The following IMPG1 variants were observed in gnomAD, a reference collection of about 807,000 sequenced individuals.
IMPG1 encodes interphotoreceptor matrix proteoglycan of 150 kDa.
Under a neutral mutation model 92.0 loss-of-function variants are expected in IMPG1, and 85 were observed. That is an observed-to-expected ratio of 0.92 (90% CI 0.78 to 1.11). The LOEUF (loss-of-function observed/expected upper bound fraction) is 1.11, where lower values mean the gene tolerates loss of function less well. Ranked by LOEUF, IMPG1 falls within the 50% of genes least tolerant of loss-of-function variation. IMPG1 has a pLI of 0.00. For synonymous variants in IMPG1, 367 were observed against 334.1 expected, an observed-to-expected ratio of 1.10 and a Z score of -1.08; for missense variants, 1,022 against 956.0, an observed-to-expected ratio of 1.07 and a Z score of -0.91.
Position 75,981,482 on chromosome 6 carries a change from A to G in IMPG1, c.1291+21436T>C, listed in dbSNP as rs1463360490. 2.6e-5 allele frequency among the ~76,000 whole-genome samples: 4 copies of G among 152,246 alleles called. No homozygotes were observed. In the East Asian group the frequency reaches 7.7e-4, roughly 29 times the overall value. ...GCTGTATAGCTGAAGAACTTGTTAA[A>G]AAGCAAATACATGTGAAAAATCATG... On this transcript the variant is annotated intron_variant, in intron 12 of 16. Coordinates refer to ENST00000369950, the MANE Select transcript of IMPG1 (RefSeq NM_001563.4).
chr6:75,970,448 T>G (rs947861236), intron 12 of IMPG1, among the ~76,000 whole-genome samples: 2 of 152,186 alleles, frequency 1.3e-5, no homozygotes, highest in African/African-American at 2.4e-5. Context: ...TGAAATCTTA[T>G]TAGACTTAAA....
intron 12 of IMPG1, among the ~76,000 whole-genome samples, chr6:75,983,239 A>C (rs1325177902): frequency 6.6e-6 from 1 of 152,006 alleles, no homozygotes; most frequent in African/African-American, 2.4e-5. Context: ...ATCCTATAGC[A>C]ACTTTAGAAT....
chr6:75,985,114 T>C (rs1314478164), intron 12 of IMPG1, among the ~76,000 whole-genome samples: 1 of 152,224 alleles, frequency 6.6e-6, no homozygotes, highest in African/African-American at 2.4e-5. Flanking sequence ...TATAAACAAA[T>C]AAAGATAAAT....
In IMPG1 at chr6:75,968,122, A is replaced by C. The variant is rs6916319; in HGVS notation, c.1292-17028T>G. Among the ~76,000 whole-genome samples, 421 of 152,346 alleles carry C rather than the reference A, an allele frequency of 2.8e-3. 4 individuals carry two copies. The highest frequency in any genetic ancestry group is 9.8e-3 in the African/African-American group (407 of 41,576). ...GTAAACCTTGACAATGGTAAAATAC[A>C]AACCTAATTACCAAAACTTGGAGTG... is the stretch of plus-strand genomic sequence containing the variant. On this transcript the variant is annotated intron_variant, in intron 12 of 16. Coordinates refer to ENST00000369950, the MANE Select transcript of IMPG1 (RefSeq NM_001563.4).
intron 1 of IMPG1, among the ~76,000 whole-genome samples, chr6:76,054,125 C>T (rs1469283317): frequency 6.6e-6 from 1 of 152,112 alleles, no homozygotes; most frequent in Admixed American, 6.6e-5. Flanking sequence ...TGGTTTGTAA[C>T]TTGAAAAGTA....
At chr6:76,055,788 A>G (rs1043510227) in intron 1 of IMPG1, among the ~76,000 whole-genome samples, 3 of 152,078 alleles carry the variant, frequency 2.0e-5, no homozygotes, top group African/African-American at 7.2e-5. Context: ...GATATAATGA[A>G]TAATGTTTTA....
intron 12 of IMPG1, among the ~76,000 whole-genome samples, chr6:75,966,544 G>A (rs927705271): frequency 5.9e-5 from 9 of 152,044 alleles, no homozygotes; most frequent in African/African-American, 1.4e-4. Flanking sequence ...CAGGACCCTC[G>A]ACCTTGGACT....
chr6:75,991,220 T>C (rs1378315155), intron 12 of IMPG1, among the ~76,000 whole-genome samples: 2 of 152,020 alleles, frequency 1.3e-5, no homozygotes, highest in Non-Finnish European at 2.9e-5. Context: ...TGAAACCCCA[T>C]CTCTACTAGA....
chr6:76,058,531 G>A (rs1345282492), intron 1 of IMPG1, among the ~76,000 whole-genome samples: 2 of 152,110 alleles, frequency 1.3e-5, no homozygotes, highest in African/African-American at 4.8e-5. Flanking sequence ...ATTTGAGATT[G>A]AACAATTTGC....
chr6:76,023,300 G>A (rs1460220101), intron 5 of IMPG1, among the ~76,000 whole-genome samples: 1 of 152,160 alleles, frequency 6.6e-6, no homozygotes, highest in East Asian at 1.9e-4. Flanking sequence ...GACTTCATCA[G>A]ACTATTACCA....
At chr6:76,054,893 T>C (rs1213152877) in intron 1 of IMPG1, among the ~76,000 whole-genome samples, 1 of 152,058 alleles carries the variant, frequency 6.6e-6, no homozygotes, top group Non-Finnish European at 1.5e-5. Flanking sequence ...TCATAGAAAG[T>C]TAAAATTCTA....
At chr6:75,980,455 A>G (rs1290162796) in intron 12 of IMPG1, among the ~76,000 whole-genome samples, 10 of 152,164 alleles carry the variant, frequency 6.6e-5, no homozygotes, top group Non-Finnish European at 4.4e-5. Flanking sequence ...GCCAAAGGAG[A>G]TTAACATTTG....
chr6:75,965,573 A>G (rs1782292413), intron 12 of IMPG1, among the ~76,000 whole-genome samples: 1 of 144,694 alleles, frequency 6.9e-6, no homozygotes, highest in Admixed American at 6.8e-5. Context: ...TTTAATTGTT[A>G]TGAGAATTGT....
chr6:75,960,484 AATT>A (rs1344216905), intron 12 of IMPG1, among the ~76,000 whole-genome samples: 5 of 152,090 alleles, frequency 3.3e-5, no homozygotes, highest in African/African-American at 1.2e-4. Flanking sequence ...GTTTACTAAA[AATT>A]ATTATTTTTA....
At chr6:75,985,658 C>G (rs1782704094) in intron 12 of IMPG1, among the ~76,000 whole-genome samples, 1 of 152,124 alleles carries the variant, frequency 6.6e-6, no homozygotes, top group Non-Finnish European at 1.5e-5. Flanking sequence ...GTTTTATGGA[C>G]TATTTCAATC....
At chr6:76,012,662 A>G (rs1783207053) in intron 7 of IMPG1, among the ~76,000 whole-genome samples, 1 of 152,200 alleles carries the variant, frequency 6.6e-6, no homozygotes, top group Admixed American at 6.5e-5. Context: ...ACAGGTGAGC[A>G]GACACCCATC....
chr6:75,950,280 G>C (rs1040985731), intron 13 of IMPG1, among the ~76,000 whole-genome samples: 2 of 152,170 alleles, frequency 1.3e-5, no homozygotes, highest in South Asian at 4.2e-4. Flanking sequence ...ATTATTCCTG[G>C]ATTCACTAAG....
rs79007259 is a variant in IMPG1 at position 75,943,990 on chromosome 6, C to T, written c.2044+3324G>A. Among the ~76,000 whole-genome samples the T allele has an allele frequency of 6.9e-3, 1,049 of 152,268 alleles. 12 individuals carry two copies. Among genetic ancestry groups the T allele is most frequent in the African/African-American group, 0.024 (994 of 41,560 alleles). On this transcript the variant is annotated intron_variant, in intron 14 of 16. Coordinates refer to ENST00000369950, the MANE Select transcript of IMPG1 (RefSeq NM_001563.4). ...TCCCTTTTCTACTACAGTGCAAATT[C>T]CTTTGGGCAGGGATGGATTTTCATG...
Position 76,018,855 on chromosome 6 carries a change from T to G in IMPG1, c.670A>C (p.Arg224=). ...LNDTKMPTTE[R]ETEFAVLEEQ... Reference sequence around the variant, plus strand: ...TCCAACACAGCGAATTCTGTTTCTCTTTCCTGAGTTTAAAAAAAAAAAAAA... The same window carrying G: ...TCCAACACAGCGAATTCTGTTTCTCGTTCCTGAGTTTAAAAAAAAAAAAAA... The change falls in exon 7 of 17, where the codon AGA becomes CGA. Residue 224 remains arginine (R), a synonymous_variant. Coordinates refer to ENST00000369950, the MANE Select transcript of IMPG1 (RefSeq NM_001563.4). 1 of 1,569,720 alleles carries G rather than the reference T, an allele frequency of 6.4e-7. No individual in the cohort carries two copies. The highest frequency in any genetic ancestry group is 8.6e-7 in the Non-Finnish European group (1 of 1,163,104).
Sources: gnomAD v4.1 joint callset for allele counts (sites outside exome capture counted in the v4.1 genomes callset) on GRCh38, gnomAD v4.1.1 for gene constraint, MANE v1.5 for transcripts, NCBI Gene and HGNC (gene_info 2026-07-23, HGNC 2026-07-21) for gene names.